Variants in ATP8A2 observed in about 807,000 individuals in gnomAD.
ATP8A2 encodes the protein ATPase phospholipid transporting 8A2, also known as phospholipid-transporting ATPase IB.
In ATP8A2, 100 loss-of-function variants were observed where a neutral mutation model predicts 165.6. The observed-to-expected ratio is 0.60, with a 90% CI of 0.51 to 0.71. The LOEUF is 0.71. Among genes scored for constraint, ATP8A2 ranks in the 30% least tolerant of loss-of-function variants. ATP8A2 has a pLI of 0.00. For synonymous variants in ATP8A2, 543 were observed against 548.8 expected, an observed-to-expected ratio of 0.99 and a Z score of 0.15; for missense variants, 1,227 against 1,479.5, an observed-to-expected ratio of 0.83 and a Z score of 2.80.
chr13:26,021,380 A>G lies in ATP8A2; in HGVS notation c.*1395A>G, dbSNP rs1412684190. 6.6e-6 allele frequency: 1 copy of G among 152,202 alleles called. No homozygotes were observed. The highest frequency in any genetic ancestry group is 1.5e-5 in the Non-Finnish European group (1 of 68,052). The allele number at this position is 152,202 out of a possible 1,614,324, so 9.4% of individuals were successfully genotyped here. On this transcript the variant is annotated 3_prime_UTR_variant, in exon 37 of 37. Transcript: ENST00000381655. ...GTTCTAATTGAAAAGAATTCCAAAC[A>G]TTTCAGGGAAACACCTTTTTAAAAA...
chr13:25,753,298 A>G (rs2044193401), intron 25 of ATP8A2, among the ~76,000 whole-genome samples: 1 of 152,202 alleles, frequency 6.6e-6, no homozygotes, highest in African/African-American at 2.4e-5. Flanking sequence ...GGCTCGACCC[A>G]CAATCCTTTA....
intron 33 of ATP8A2, among the ~76,000 whole-genome samples, chr13:25,940,063 G>A (rs190988410): frequency 3.9e-5 from 6 of 152,168 alleles, no homozygotes; most frequent in South Asian, 2.1e-4. Context: ...CCTCGGGAGC[G>A]TGAAGGGCTG....
chr13:25,553,920 G>C lies in ATP8A2; in HGVS notation c.1185G>C (p.Trp395Cys). The change falls in exon 12 of 37, where the codon TGG becomes TGC. Residue 395 changes from tryptophan (W) to cysteine (C), a missense_variant and splice_region_variant. Physicochemically the swap from Trp to Cys is radical, Grantham distance 215. Around this residue, in one of 5 missense-constraint regions of ATP8A2, gnomAD observed 592 missense variants for 785.6 expected, o/e 0.75. Transcript: ENST00000381655. ...VKYTQALFIN[W>C]DTDMYYIGND... ...ATACTCAAGCCCTTTTCATAAACTG[G>C]GTGAGTATTAAAGCAGAGTTGAATC... 2 of 1,612,516 alleles carry C rather than the reference G, an allele frequency of 1.2e-6. No individual in the cohort carries two copies. Among genetic ancestry groups the C allele is most frequent in the Non-Finnish European group, 1.7e-6 (2 of 1,179,342 alleles).
intron 2 of ATP8A2, among the ~76,000 whole-genome samples, 164 bp downstream of exon 2, chr13:25,469,285 C>T (rs1445233995): frequency 1.3e-5 from 2 of 152,084 alleles, no homozygotes; most frequent in South Asian, 2.1e-4. Flanking sequence ...GGTGCAGCCC[C>T]GCGCTTCCAG....
At chr13:25,681,289 A>G (rs1000984581) in intron 24 of ATP8A2, among the ~76,000 whole-genome samples, 8 of 152,182 alleles carry the variant, frequency 5.3e-5, no homozygotes, top group African/African-American at 1.7e-4. Context: ...AATGTTTTTA[A>G]TTTGTTAGCC....
intron 1 of ATP8A2, among the ~76,000 whole-genome samples, chr13:25,397,292 G>A (rs560108055): frequency 1.1e-4 from 16 of 152,286 alleles, no homozygotes; most frequent in African/African-American, 3.8e-4. Flanking sequence ...AGGACCTGGT[G>A]AAAGTCCACA....
At chr13:25,605,200 TA>T (rs1418937732) in intron 24 of ATP8A2, among the ~76,000 whole-genome samples, 2 of 152,212 alleles carry the variant, frequency 1.3e-5, no homozygotes, top group Non-Finnish European at 2.9e-5. Flanking sequence ...GTCAAATTTC[TA>T]AGCATAGTTC....
In ATP8A2 at chr13:25,745,065, C is replaced by T. The variant is rs187794075; in HGVS notation, c.2385-23981C>T. Among the ~76,000 whole-genome samples the T allele has an allele frequency of 2.9e-3, 436 of 152,170 alleles. 2 individuals are homozygous for T. The highest frequency in any genetic ancestry group is 9.2e-3 in the African/African-American group (383 of 41,522). ...AAGCCGTTCTCCTGCCTCAGCCTCCCGAGTAGCTGGGACTACAGGCGCCTG... is the reference window on the plus strand; with the variant it reads ...AAGCCGTTCTCCTGCCTCAGCCTCCTGAGTAGCTGGGACTACAGGCGCCTG... On this transcript the variant is annotated intron_variant, in intron 25 of 36. Transcript: ENST00000381655.
At chr13:25,854,963 A>G (rs1020472967) in intron 30 of ATP8A2, among the ~76,000 whole-genome samples, 2 of 151,800 alleles carry the variant, frequency 1.3e-5, no homozygotes, top group African/African-American at 4.8e-5. Context: ...ATTAAGAATC[A>G]CTCCTGGCCG....
intron 25 of ATP8A2, among the ~76,000 whole-genome samples, chr13:25,760,569 G>A (rs773244494): frequency 1.3e-5 from 2 of 152,138 alleles, no homozygotes; most frequent in African/African-American, 2.4e-5. Context: ...AAAAGGACTT[G>A]TAGAAGAACC....
intron 25 of ATP8A2, among the ~76,000 whole-genome samples, chr13:25,727,605 A>G (rs994315954): frequency 1.3e-5 from 2 of 152,248 alleles, no homozygotes; most frequent in Admixed American, 6.5e-5. Flanking sequence ...GAAACACACC[A>G]GGGACCAGTA....
At chr13:25,905,834 G>A (rs912833497) in intron 33 of ATP8A2, among the ~76,000 whole-genome samples, 5 of 152,106 alleles carry the variant, frequency 3.3e-5, no homozygotes, top group African/African-American at 1.2e-4. Context: ...GCCCTTCCTC[G>A]CCCTGAGGGC....
At chr13:25,667,876 T>G (rs1057285268) in intron 24 of ATP8A2, among the ~76,000 whole-genome samples, 1 of 152,210 alleles carries the variant, frequency 6.6e-6, no homozygotes, top group Non-Finnish European at 1.5e-5. Context: ...ACAATTAATA[T>G]TGCAAGTTTA....
intron 24 of ATP8A2, among the ~76,000 whole-genome samples, chr13:25,623,612 A>T (rs564028675): frequency 6.6e-6 from 1 of 152,258 alleles, no homozygotes; most frequent in South Asian, 2.1e-4. Context: ...TATCAGTCTC[A>T]TTTTCTAATT....
intron 27 of ATP8A2, among the ~76,000 whole-genome samples, chr13:25,794,805 A>C: frequency 7.2e-6 from 1 of 138,812 alleles, no homozygotes; most frequent in African/African-American, 2.7e-5. Context: ...TTCTGCCCCA[A>C]CGCATTCCCT....
At chr13:25,619,876 G>A (rs910922319) in intron 24 of ATP8A2, among the ~76,000 whole-genome samples, 9 of 152,112 alleles carry the variant, frequency 5.9e-5, no homozygotes, top group African/African-American at 4.8e-5. Context: ...TGTGAAAACC[G>A]TTCTTAGATT....
At chr13:25,876,152 T>C (rs1429253691) in intron 33 of ATP8A2, among the ~76,000 whole-genome samples, 1 of 152,168 alleles carries the variant, frequency 6.6e-6, no homozygotes, top group Non-Finnish European at 1.5e-5. Context: ...ATAGAACTTC[T>C]CTGGGGCATT....
chr13:25,672,454 G>A (rs967316707), intron 24 of ATP8A2, among the ~76,000 whole-genome samples: 10 of 151,892 alleles, frequency 6.6e-5, no homozygotes, highest in Non-Finnish European at 1.5e-4. Flanking sequence ...TTTGGGGTGG[G>A]AATGGAGGCA....
intron 33 of ATP8A2, among the ~76,000 whole-genome samples, chr13:25,935,984 G>C (rs1023023020): frequency 4.6e-5 from 7 of 152,182 alleles, no homozygotes; most frequent in African/African-American, 1.7e-4. Context: ...CCATAAACAA[G>C]ATTCAAACTA....
Sources: allele counts gnomAD v4.1 joint callset (sites outside exome capture counted in the v4.1 genomes callset), GRCh38; gene constraint gnomAD v4.1.1; regional missense constraint gnomAD v4.1.1; transcripts MANE v1.5; gene names NCBI Gene and HGNC (gene_info 2026-07-23, HGNC 2026-07-21).